The following SAMSN1 variants were observed in gnomAD, a reference collection of about 807,000 sequenced individuals.
SAMSN1 encodes SAM domain-containing protein SAMSN-1.
SAMSN1 carries 31 observed loss-of-function variants against 42.0 expected under a neutral mutation model. The ratio of observed to expected loss-of-function variants is 0.74; its 90% CI spans 0.55 to 1.00. SAMSN1 has a LOEUF of 1.00. Among genes scored for constraint, SAMSN1 ranks in the 50% least tolerant of loss-of-function variants. The pLI is 0.00. For missense variants in SAMSN1, 464 were observed against 439.4 expected (o/e 1.06, Z -0.50); for synonymous variants, 178 against 151.9 (o/e 1.17, Z -1.26).
At chr21:14,555,221 C>A (rs546182105) in intron 2 of SAMSN1, among the ~76,000 whole-genome samples, 1 of 152,168 alleles carries the variant, frequency 6.6e-6, no homozygotes, top group Non-Finnish European at 1.5e-5. Flanking sequence ...GAGATTGCAA[C>A]GTGCTCCAAC....
chr21:14,521,180 A>G lies in SAMSN1; in HGVS notation c.99T>C (p.Asn33=), dbSNP rs1978446032. 1.2e-6 allele frequency: 2 copies of G among 1,611,562 alleles called. No homozygotes were observed. Among genetic ancestry groups the G allele is most frequent in the Non-Finnish European group, 1.7e-6 (2 of 1,178,594 alleles). The change falls in exon 2 of 8, where the codon AAT becomes AAC. Residue 33 remains asparagine (N), a synonymous_variant. Transcript: ENST00000400566. Reference sequence around the variant, plus strand: ...TTGAATCATCTGGTTTTGATAAAGAATTATTCCGAAAACGATCGAAATTCC... The same window carrying G: ...TTGAATCATCTGGTTTTGATAAAGAGTTATTCCGAAAACGATCGAAATTCC... ...SFGNFDRFRN[N]SLSKPDDSTE...
At chr21:14,502,611 C>T (rs981571011) in intron 5 of SAMSN1, among the ~76,000 whole-genome samples, 10 of 152,148 alleles carry the variant, frequency 6.6e-5, no homozygotes, top group Non-Finnish European at 1.3e-4. Flanking sequence ...TCCCTTGGCA[C>T]GGTATTGTAC....
At chr21:14,649,013 A>T (rs956318419) in intron 1 of SAMSN1, among the ~76,000 whole-genome samples, 1 of 152,042 alleles carries the variant, frequency 6.6e-6, no homozygotes, top group African/African-American at 2.4e-5. Context: ...AAGACTTGGA[A>T]CCAACCCAAA....
At chr21:14,505,203 T>A (rs978476638) in intron 5 of SAMSN1, among the ~76,000 whole-genome samples, 6 of 151,492 alleles carry the variant, frequency 4.0e-5, no homozygotes, top group African/African-American at 1.5e-4. Flanking sequence ...CCAAAAAAAA[T>A]GTATACAGGC....
chr21:14,547,377 AT>A (rs1980447754), upstream of SAMSN1, among the ~76,000 whole-genome samples: 1 of 152,206 alleles, frequency 6.6e-6, no homozygotes. Context: ...GGTAGAGCTA[AT>A]ATGACTTATT....
chr21:14,547,065 TAAAC>T (rs763875853), upstream of SAMSN1, among the ~76,000 whole-genome samples: 17 of 152,194 alleles, frequency 1.1e-4, no homozygotes, highest in Non-Finnish European at 2.2e-4. Context: ...AGTTAGAACT[TAAAC>T]AATACTAATC....
At chr21:14,533,286 C>T (rs1332510501) in intron 1 of SAMSN1, among the ~76,000 whole-genome samples, 2 of 151,972 alleles carry the variant, frequency 1.3e-5, no homozygotes, top group African/African-American at 2.4e-5. Flanking sequence ...AAAAAAAACC[C>T]CAGAAAATTC....
intron 3 of SAMSN1, among the ~76,000 whole-genome samples, chr21:14,512,813 C>G (rs1348311694): frequency 6.6e-6 from 1 of 152,166 alleles, no homozygotes; most frequent in Non-Finnish European, 1.5e-5. Flanking sequence ...TATAATGGCT[C>G]ATTTTTACAA....
upstream of SAMSN1, among the ~76,000 whole-genome samples, chr21:14,546,601 G>T (rs1980405808): frequency 6.6e-6 from 1 of 150,946 alleles, no homozygotes; most frequent in African/African-American, 2.4e-5. Context: ...TGCATTCCAT[G>T]GGTAGAAAAA....
chr21:14,602,556 T>C (rs772887747), intron 5 of SAMSN1, among the ~76,000 whole-genome samples: 3 of 152,240 alleles, frequency 2.0e-5, no homozygotes, highest in Non-Finnish European at 4.4e-5. Context: ...ATGCATGCTT[T>C]AGTGAAAGCT....
chr21:14,602,684 T>A (rs1377357303), intron 5 of SAMSN1, among the ~76,000 whole-genome samples: 1 of 152,228 alleles, frequency 6.6e-6, no homozygotes, highest in Admixed American at 6.5e-5. Flanking sequence ...ATATATGGTA[T>A]GTTAAAAGAG....
chr21:14,507,614 A>C (rs1234440267), intron 5 of SAMSN1, among the ~76,000 whole-genome samples: 5 of 152,198 alleles, frequency 3.3e-5, no homozygotes, highest in South Asian at 4.1e-4. Context: ...TGTGAAAAGG[A>C]CCATACTGTC....
At chr21:14,509,042 G>A (rs1987555210) in intron 5 of SAMSN1, among the ~76,000 whole-genome samples, 1 of 152,080 alleles carries the variant, frequency 6.6e-6, no homozygotes, top group Non-Finnish European at 1.5e-5. Context: ...CTTGAACCCA[G>A]GAGGCGGAGG....
At chr21:14,538,072 G>A (rs73894249) in intron 1 of SAMSN1, among the ~76,000 whole-genome samples, 1,886 of 152,262 alleles carry the variant, frequency 0.012, 27 homozygotes, top group African/African-American at 0.042. Context: ...TGCTATAAAT[G>A]CTACATAAAC....
intron 2 of SAMSN1, among the ~76,000 whole-genome samples, chr21:14,517,551 G>A (rs965004025): frequency 6.6e-6 from 1 of 152,164 alleles, no homozygotes; most frequent in Non-Finnish European, 1.5e-5. Context: ...TAAATCCACT[G>A]AGAAATGTTA....
intron 2 of SAMSN1, among the ~76,000 whole-genome samples, chr21:14,519,555 T>C (rs73894239): frequency 0.038 from 5,768 of 152,142 alleles, 349 homozygotes; most frequent in African/African-American, 0.13. Flanking sequence ...TATATGTATA[T>C]ATTACATTTA....
chr21:14,517,582 T>G (rs1987973600), intron 2 of SAMSN1, among the ~76,000 whole-genome samples: 1 of 152,150 alleles, frequency 6.6e-6, no homozygotes, highest in Non-Finnish European at 1.5e-5. Context: ...CATCTTAGTG[T>G]GCACATTTCC....
rs78851423 is a variant in SAMSN1 at position 14,593,824 on chromosome 21, T to C, written c.465+189A>G. 6.2e-3 allele frequency: 2,402 copies of C among 387,158 alleles called. 47 individuals are homozygous for C. Among genetic ancestry groups the C allele is most frequent in the African/African-American group, 0.038 (1,838 of 48,406 alleles). 24.0% of individuals were successfully genotyped at this position (387,158 alleles called of 1,614,324 possible). ...CCTTCTTTGAAGGAAATGCTTTATG[T>C]TCCTTTTAGTTCAGAAAACCACTCA... On this transcript the variant is annotated intron_variant, in intron 7 of 15. Coordinates refer to the SAMSN1 transcript ENST00000647101.
At position 14,557,898 on chromosome 21, in the gene SAMSN1, G is replaced by T. The variant is rs1418356604; in HGVS notation, c.261+24238C>A. Among the ~76,000 whole-genome samples the T allele has an allele frequency of 2.0e-5, 3 of 152,212 alleles. No homozygotes were observed. In the South Asian group the frequency reaches 6.2e-4, roughly 32 times the overall value. On this transcript the variant is annotated intron_variant, in intron 2 of 8. Coordinates refer to the SAMSN1 transcript ENST00000285670. ...TTTCCCTTTACTTTTGACATGGGTG[G>T]CTCCTTGTCATCAAAGCCTGCTTTC...
Sources: allele counts gnomAD v4.1 joint callset (sites outside exome capture counted in the v4.1 genomes callset), GRCh38; gene constraint gnomAD v4.1.1; transcripts MANE v1.5; gene names NCBI Gene and HGNC (gene_info 2026-07-23, HGNC 2026-07-21).